The following PLCB4 variants were observed in gnomAD, a reference collection of about 807,000 sequenced individuals.
PLCB4 encodes the protein phospholipase C beta 4.
Under a neutral mutation model 178.8 loss-of-function variants are expected in PLCB4, and 77 were observed. The observed-to-expected ratio is 0.43, with a 90% CI of 0.36 to 0.52. PLCB4 has a LOEUF of 0.52. PLCB4 is among the 20% of genes least tolerant of loss of function. The pLI, the probability that PLCB4 is intolerant of heterozygous loss-of-function variation, is 0.00. For missense variants in PLCB4, 1,024 were observed against 1,453.4 expected, an observed-to-expected ratio of 0.70 and a Z score of 4.80; for synonymous variants, 496 against 490.8, an observed-to-expected ratio of 1.01 and a Z score of -0.14.
chr20:9,438,427 A>T (rs75553401), intron 30 of PLCB4, among the ~76,000 whole-genome samples: 5,740 of 152,024 alleles, frequency 0.038, 365 homozygotes, highest in African/African-American at 0.13. Flanking sequence ...GGCCTTAGGC[A>T]GAAAGGGGCT....
At position 9,145,579 on chromosome 20, in the gene PLCB4, C is replaced by A. The variant is rs142087984; in HGVS notation, c.-79+49237C>A. Among the ~76,000 whole-genome samples the A allele has an allele frequency of 7.5e-3, 1,133 of 151,506 alleles. 18 individuals carry two copies. The highest frequency in any genetic ancestry group is 0.026 in the African/African-American group (1,080 of 41,278). On this transcript the variant is annotated intron_variant, in intron 2 of 39. Transcript: ENST00000378473. The stretch of plus-strand genomic sequence containing the variant: ...GTAATTATCTTTTCTTGAGGTTGGG[C>A]AGGGGAGAGGATAGGGAGAGAATGT...
intron 2 of PLCB4, among the ~76,000 whole-genome samples, chr20:9,204,399 A>AGT (rs2093590531): frequency 6.6e-6 from 1 of 151,914 alleles, no homozygotes; most frequent in African/African-American, 2.4e-5. Context: ...TGCTCTGTTG[A>AGT]CCAGGCTGGA....
chr20:9,253,400 T>A (rs1200288327), intron 3 of PLCB4, among the ~76,000 whole-genome samples: 1 of 152,132 alleles, frequency 6.6e-6, no homozygotes, highest in East Asian at 1.9e-4. Context: ...GCAAACAAGG[T>A]AGGGCTCCTG....
intron 3 of PLCB4, among the ~76,000 whole-genome samples, chr20:9,248,686 A>G (rs1003369686): frequency 3.9e-5 from 6 of 152,184 alleles, no homozygotes; most frequent in African/African-American, 1.4e-4. Flanking sequence ...ACTGAGAACT[A>G]TGTATTTATT....
intron 21 of PLCB4, among the ~76,000 whole-genome samples, chr20:9,406,235 T>A (rs965647786): frequency 6.6e-6 from 1 of 152,184 alleles, no homozygotes; most frequent in Non-Finnish European, 1.5e-5. Flanking sequence ...GTAATGAGAC[T>A]GTGTGTGCAA....
At chr20:9,264,586 A>G (rs907891604) in intron 3 of PLCB4, among the ~76,000 whole-genome samples, 8 of 152,182 alleles carry the variant, frequency 5.3e-5, no homozygotes, top group South Asian at 2.1e-4. Context: ...GTTGAAGCCA[A>G]TTGCTGTAAT....
rs750474780 is a variant in PLCB4, at chr20:9,453,374, T to C, written c.2908T>C (p.Cys970Arg). Residue 970 changes from cysteine to arginine, a missense_variant, in exon 33 of 40, where the codon TGC (cysteine) becomes CGC (arginine). Transcript: ENST00000378473. ...ACACAGTACCATGCAGAAGTTACACTGCACGCAAGTTGACAAAATTGTGGC... is the reference window on the plus strand; with the variant it reads ...ACACAGTACCATGCAGAAGTTACACCGCACGCAAGTTGACAAAATTGTGGC... ...KEHSTMQKLH[C>R]TQVDKIVAQY... The C allele has an allele frequency of 2.5e-6, 4 of 1,612,268 alleles. No homozygotes were observed. The highest frequency in any genetic ancestry group is 1.1e-5 in the South Asian group (1 of 91,028).
At chr20:9,358,971 G>C (rs1167721939) in intron 7 of PLCB4, among the ~76,000 whole-genome samples, 1 of 152,176 alleles carries the variant, frequency 6.6e-6, no homozygotes, top group African/African-American at 2.4e-5. Flanking sequence ...TACGTCATGA[G>C]ATTTGGGGTG....
At chr20:9,398,617 C>G (rs1351858307) in intron 19 of PLCB4, among the ~76,000 whole-genome samples, 1 of 152,084 alleles carries the variant, frequency 6.6e-6, no homozygotes, top group Non-Finnish European at 1.5e-5. Flanking sequence ...TTACTACCAT[C>G]GTTGTACCAA....
chr20:9,120,615 T>A (rs1440763586), intron 2 of PLCB4, among the ~76,000 whole-genome samples: 1 of 152,156 alleles, frequency 6.6e-6, no homozygotes, highest in Non-Finnish European at 1.5e-5. Context: ...CTGCAGAGTG[T>A]CATTTGCTTC....
intron 2 of PLCB4, among the ~76,000 whole-genome samples, chr20:9,199,426 A>G (rs536845809): frequency 2.0e-4 from 31 of 152,304 alleles, no homozygotes; most frequent in Middle Eastern, 3.4e-3. Flanking sequence ...AACCTAAAGG[A>G]CGGTACGTTG....
chr20:9,310,161 A>G (rs1168179778), intron 4 of PLCB4, among the ~76,000 whole-genome samples: 1 of 152,202 alleles, frequency 6.6e-6, no homozygotes, highest in East Asian at 1.9e-4. Flanking sequence ...CAGAGCCATG[A>G]AAACATTTAA....
chr20:9,413,131 C>T (rs2039973423), intron 25 of PLCB4, among the ~76,000 whole-genome samples: 1 of 152,214 alleles, frequency 6.6e-6, no homozygotes, highest in South Asian at 2.1e-4. Flanking sequence ...CCTCAGCACT[C>T]CTGGCTCTTA....
intron 2 of PLCB4, among the ~76,000 whole-genome samples, chr20:9,196,845 G>A (rs1428042764): frequency 6.6e-6 from 1 of 152,098 alleles, no homozygotes; most frequent in Non-Finnish European, 1.5e-5. Flanking sequence ...TTATCTTGAG[G>A]TATAGCTCAT....
chr20:9,157,220 GA>G (rs71184130), intron 2 of PLCB4, among the ~76,000 whole-genome samples: 28,160 of 138,110 alleles, frequency 0.2, 2,646 homozygotes, highest in African/African-American at 0.23. Context: ...AAAATCATAT[GA>G]AAAAAAAAAA....
At chr20:9,116,320 T>C (rs892169846) in intron 2 of PLCB4, among the ~76,000 whole-genome samples, 1 of 152,152 alleles carries the variant, frequency 6.6e-6, no homozygotes, top group Non-Finnish European at 1.5e-5. Context: ...TCTTGTCTCA[T>C]GTATGTGTCC....
intron 4 of PLCB4, among the ~76,000 whole-genome samples, chr20:9,323,650 G>A (rs950079608): frequency 1.3e-5 from 2 of 152,226 alleles, no homozygotes; most frequent in Non-Finnish European, 2.9e-5. Flanking sequence ...ATCTGTGGCA[G>A]CTATGGAGGT....
At chr20:9,347,931 G>A (rs1463659560) in intron 7 of PLCB4, among the ~76,000 whole-genome samples, 1 of 152,168 alleles carries the variant, frequency 6.6e-6, no homozygotes, top group Non-Finnish European at 1.5e-5. Flanking sequence ...CCAAGATCAC[G>A]CCACTGCACT....
intron 4 of PLCB4, among the ~76,000 whole-genome samples, chr20:9,325,661 C>T (rs1294018575): frequency 1.3e-5 from 2 of 152,082 alleles, no homozygotes; most frequent in African/African-American, 2.4e-5. Context: ...ACATCTATAT[C>T]GTCAAGTAAA....
Sources: gnomAD v4.1 joint callset for allele counts (sites outside exome capture counted in the v4.1 genomes callset) on GRCh38, gnomAD v4.1.1 for gene constraint, MANE v1.5 for transcripts, NCBI Gene and HGNC (gene_info 2026-07-23, HGNC 2026-07-21) for gene names.